FOXI2: variants seen among roughly 807,000 people sequenced by gnomAD.
FOXI2 encodes forkhead box I2.
Under a neutral mutation model 14.3 loss-of-function variants are expected in FOXI2, and 17 were observed. The ratio of observed to expected loss-of-function variants is 1.19; its 90% CI spans 0.81 to 1.78. FOXI2 has a LOEUF of 1.78. FOXI2 is among the 40% of genes most tolerant of loss of function. The probability of loss-of-function intolerance (pLI) is 0.00; values close to 1 mark genes in which losing one functional copy is unlikely to be tolerated. For synonymous variants in FOXI2, 240 were observed against 218.8 expected, an observed-to-expected ratio of 1.10 and a Z score of -0.85; for missense variants, 541 against 460.0, an observed-to-expected ratio of 1.18 and a Z score of -1.61.
At position 127,739,055 on chromosome 10, in the gene FOXI2, T is replaced by TA; in HGVS notation, c.*90_*91insA. On this transcript the variant is annotated 3_prime_UTR_variant, in exon 2 of 2. Coordinates refer to ENST00000388920, the MANE Select transcript of FOXI2 (RefSeq NM_207426.3). ...TGGTGACAGCCCCACGTGTTGGCGTTGAAGGCCTTGGTGCCCTGGGAGGAA... is the reference window on the plus strand; with the variant it reads ...TGGTGACAGCCCCACGTGTTGGCGTTAGAAGGCCTTGGTGCCCTGGGAGGAA... The TA allele has an allele frequency of 8.5e-7, 1 of 1,176,734 alleles. No individual in the cohort carries two copies. Among genetic ancestry groups the TA allele is most frequent in the Non-Finnish European group, 1.2e-6 (1 of 847,332 alleles). 72.9% of individuals were successfully genotyped at this position (1,176,734 alleles called of 1,614,324 possible). A position where few individuals can be genotyped will look rare whatever the true frequency, so the allele number is the denominator to read the frequency against.
chr10:127,740,013 G>GACACCCACACTC lies in FOXI2; in HGVS notation c.*1065_*1076dup, dbSNP rs1353006977. The GACACCCACACTC allele has an allele frequency of 2.0e-5, 1 of 49,772 alleles. No homozygotes were observed. Among genetic ancestry groups the GACACCCACACTC allele is most frequent in the Non-Finnish European group, 3.6e-5 (1 of 27,554 alleles). 3.1% of individuals were successfully genotyped at this position (49,772 alleles called of 1,614,324 possible). On this transcript the variant is annotated 3_prime_UTR_variant, in exon 2 of 2. Transcript: ENST00000388920. ...CTCACACCACACCCACACTCACACT[G>GACACCCACACTC]ACACCCACACTCACACCCACACTCA...
chr10:127,740,792 GGT>G lies in FOXI2; in HGVS notation c.*1843_*1844del, dbSNP rs142402926. On this transcript the variant is annotated 3_prime_UTR_variant, in exon 2 of 2. Coordinates refer to ENST00000388920, the MANE Select transcript of FOXI2 (RefSeq NM_207426.3). ...TCATCATGGCCCTGCTGAAGAGTGAGGTGTGTGTGTGTGTGTGCGTGTGTGCG... is the reference window on the plus strand; with the variant it reads ...TCATCATGGCCCTGCTGAAGAGTGAGGTGTGTGTGTGTGTGCGTGTGTGCG... 1.5e-4 allele frequency: 22 copies of G among 151,386 alleles called. No individual in the cohort carries two copies. The highest frequency in any genetic ancestry group is 3.9e-4 in the East Asian group (2 of 5,140). The allele number at this position is 151,386 out of a possible 1,614,324, so 9.4% of individuals were successfully genotyped here.
In FOXI2 at chr10:127,737,506, C is replaced by T; in HGVS notation, c.233C>T (p.Pro78Leu). ...YGAPGPLLGA[P>L]GGLAGADLAW... Reference sequence around the variant, plus strand: ...GCTCCCGGCCCGCTCCTCGGCGCCCCGGGCGGCCTGGCGGGCGCCGACCTC... The same window carrying T: ...GCTCCCGGCCCGCTCCTCGGCGCCCTGGGCGGCCTGGCGGGCGCCGACCTC... Residue 78 changes from proline to leucine, a missense_variant, in exon 1 of 2, where the codon CCG becomes CTG. By Grantham distance (98) the Pro-to-Leu change is moderately conservative. Coordinates refer to ENST00000388920, the MANE Select transcript of FOXI2 (RefSeq NM_207426.3). The T allele has an allele frequency of 4.3e-6, 6 of 1,408,480 alleles. No individual in the cohort carries two copies. Among genetic ancestry groups the T allele is most frequent in the South Asian group, 1.6e-5 (1 of 62,376 alleles). The allele number at this position is 1,408,480 out of a possible 1,614,324, so 87.2% of individuals were successfully genotyped here.
Position 127,737,433 on chromosome 10 carries a change from G to A in FOXI2, c.160G>A (p.Ala54Thr), listed in dbSNP as rs960764585. Residue 54 changes from alanine (A) to threonine (T), a missense_variant, in exon 1 of 2, where the codon GCT becomes ACT. Ala to Thr is a moderately conservative substitution (Grantham distance 58, BLOSUM62 0). Coordinates refer to ENST00000388920, the MANE Select transcript of FOXI2 (RefSeq NM_207426.3). The stretch of plus-strand genomic sequence containing the variant: ...GCCAGCGCTCAGCCCCAAGTCCTAC[G>A]CTTCGGGTCCCGGGCCTGCGCCGCC... Reference protein sequence around the residue: ...NAPALSPKSYASGPGPAPPYA... With the variant: ...NAPALSPKSYTSGPGPAPPYA... 4.4e-6 allele frequency: 6 copies of A among 1,366,016 alleles called. No individual in the cohort carries two copies. The highest frequency in any genetic ancestry group is 2.7e-4 in the Middle Eastern group (1 of 3,720). The allele number at this position is 1,366,016 out of a possible 1,614,324, so 84.6% of individuals were successfully genotyped here. A position where few individuals can be genotyped will look rare whatever the true frequency, so the allele number is the denominator to read the frequency against.
In FOXI2 at chr10:127,737,498, C is replaced by T; in HGVS notation, c.225C>T (p.Leu75=). 5.0e-6 allele frequency: 7 copies of T among 1,401,778 alleles called. No individual in the cohort carries two copies. The highest frequency in any genetic ancestry group is 2.9e-5 in the East Asian group (1 of 34,062). 86.8% of individuals were successfully genotyped at this position (1,401,778 alleles called of 1,614,324 possible). The part of the protein sequence containing the change: ...APSYGAPGPL[L]GAPGGLAGAD... ...GCTACGGGGCTCCCGGCCCGCTCCTCGGCGCCCCGGGCGGCCTGGCGGGCG... is the reference window on the plus strand; with the variant it reads ...GCTACGGGGCTCCCGGCCCGCTCCTTGGCGCCCCGGGCGGCCTGGCGGGCG... The change falls in exon 1 of 2, where the codon CTC becomes CTT. Residue 75 remains leucine, a synonymous_variant. Transcript: ENST00000388920.
chr10:127,740,163 ACT>A lies in FOXI2; in HGVS notation c.*1200_*1201del, dbSNP rs1216487065. Reference sequence around the variant, plus strand: ...CACTCATACTCACACCCACACCCACACTCATACTCACACACCCACACCCACAC... The same window carrying A: ...CACTCATACTCACACCCACACCCACACATACTCACACACCCACACCCACAC... On this transcript the variant is annotated 3_prime_UTR_variant, in exon 2 of 2. Transcript: ENST00000388920. 2.5e-5 allele frequency: 3 copies of A among 121,410 alleles called. No homozygotes were observed. Among genetic ancestry groups the A allele is most frequent in the African/African-American group, 9.9e-5 (3 of 30,306 alleles). 7.5% of individuals were successfully genotyped at this position (121,410 alleles called of 1,614,324 possible). A position where few individuals can be genotyped will look rare whatever the true frequency, so the allele number is the denominator to read the frequency against.
chr10:127,737,560 A>T lies in FOXI2; in HGVS notation c.287A>T (p.Glu96Val). The change falls in exon 1 of 2, where the codon GAG becomes GTG. Residue 96 changes from glutamate (E) to valine (V), a missense_variant. Glu to Val is a moderately radical substitution (Grantham distance 121). Coordinates refer to ENST00000388920, the MANE Select transcript of FOXI2 (RefSeq NM_207426.3). ...TGGCTGAGCCTCTCCGGCCAGCAGGAGCTGCTGAGGCTGGTGCGGCCGCCC... is the reference window on the plus strand; with the variant it reads ...TGGCTGAGCCTCTCCGGCCAGCAGGTGCTGCTGAGGCTGGTGCGGCCGCCC... ...LAWLSLSGQQ[E>V]LLRLVRPPYS... The T allele has an allele frequency of 6.5e-7, 1 of 1,537,682 alleles. No individual in the cohort carries two copies. The highest frequency in any genetic ancestry group is 8.8e-7 in the Non-Finnish European group (1 of 1,140,870).
At position 127,740,171 on chromosome 10, in the gene FOXI2, TCA is replaced by T. The variant is rs568734713; in HGVS notation, c.*1212_*1213del. On this transcript the variant is annotated 3_prime_UTR_variant, in exon 2 of 2. Transcript: ENST00000388920. ...CTCACACCCACACCCACACTCATAC[TCA>T]CACACCCACACCCACACCCACACCC... 1.2e-5 allele frequency: 1 copy of T among 86,812 alleles called. No individual in the cohort carries two copies. The allele number at this position is 86,812 out of a possible 1,614,324, so 5.4% of individuals were successfully genotyped here. A position where few individuals can be genotyped will look rare whatever the true frequency, so the allele number is the denominator to read the frequency against.
rs932731725 is a variant in FOXI2 at position 127,738,665 on chromosome 10, G to T, written c.657G>T (p.Ala219=). The part of the protein sequence containing the change: ...ARSVGGAEAP[A]LEPPSAACLD... ...GCGTGGGAGGGGCCGAGGCGCCAGC[G>T]CTGGAGCCCCCGAGCGCGGCTTGCC... is the stretch of plus-strand genomic sequence containing the variant. The change falls in exon 2 of 2, where the codon GCG becomes GCT. Residue 219 remains alanine (A), a synonymous_variant. Coordinates refer to ENST00000388920, the MANE Select transcript of FOXI2 (RefSeq NM_207426.3). 9.4e-6 allele frequency: 15 copies of T among 1,596,210 alleles called. No homozygotes were observed. The highest frequency in any genetic ancestry group is 3.4e-5 in the South Asian group (3 of 88,754).
chr10:127,737,682 C>A lies in FOXI2; in HGVS notation c.409C>A (p.Pro137Thr). The A allele has an allele frequency of 6.2e-7, 1 of 1,601,756 alleles. No individual in the cohort carries two copies. Among genetic ancestry groups the A allele is most frequent in the Non-Finnish European group, 8.5e-7 (1 of 1,174,212 alleles). ...CTACCAGTACGTGGCTGGTAACTTCCCTTTCTACAAGCGCAGCAAGGCGGG... is the reference window on the plus strand; with the variant it reads ...CTACCAGTACGTGGCTGGTAACTTCACTTTCTACAAGCGCAGCAAGGCGGG... ...QIYQYVAGNF[P>T]FYKRSKAGWQ... Residue 137 changes from proline to threonine, a missense_variant, in exon 1 of 2, where the codon CCT (proline) becomes ACT (threonine). Transcript: ENST00000388920.
rs1458504568 is a variant in FOXI2 at position 127,739,612 on chromosome 10, A to C, written c.*647A>C. ...TGGGAGGGAGAAGCACTGCGTGGGC[A>C]GAAAGCGCCCTTGGGATACCAGCTC... On this transcript the variant is annotated 3_prime_UTR_variant, in exon 2 of 2. Transcript: ENST00000388920. 1.3e-5 allele frequency: 2 copies of C among 152,582 alleles called. No individual in the cohort carries two copies. Among genetic ancestry groups the C allele is most frequent in the South Asian group, 4.1e-4 (2 of 4,838 alleles). 9.5% of individuals were successfully genotyped at this position (152,582 alleles called of 1,614,324 possible). A position where few individuals can be genotyped will look rare whatever the true frequency, so the allele number is the denominator to read the frequency against.
rs900236763 is a variant in FOXI2 at position 127,737,344 on chromosome 10, C to A, written c.71C>A (p.Pro24His). The A allele has an allele frequency of 8.4e-6, 12 of 1,430,006 alleles. No homozygotes were observed. The highest frequency in any genetic ancestry group is 9.0e-6 in the Non-Finnish European group (10 of 1,106,894). The allele number at this position is 1,430,006 out of a possible 1,614,324, so 88.6% of individuals were successfully genotyped here. Residue 24 changes from proline to histidine, a missense_variant, in exon 1 of 2, where the codon CCC becomes CAC. Coordinates refer to ENST00000388920, the MANE Select transcript of FOXI2 (RefSeq NM_207426.3). ...PPGQAQATAH[P>H]PGYEPGDLGA... Reference sequence around the variant, plus strand: ...GGCCAGGCCCAGGCCACCGCGCACCCCCCGGGCTATGAGCCAGGGGATCTG... The same window carrying A: ...GGCCAGGCCCAGGCCACCGCGCACCACCCGGGCTATGAGCCAGGGGATCTG...
Position 127,739,857 on chromosome 10 carries a change from C to CCACA in FOXI2, c.*894_*897dup, listed in dbSNP as rs1846479961. 1 of 30,676 alleles carries CCACA rather than the reference C, an allele frequency of 3.3e-5. No individual in the cohort carries two copies. The highest frequency in any genetic ancestry group is 1.0e-4 in the African/African-American group (1 of 9,994). The allele number at this position is 30,676 out of a possible 1,614,324, so 1.9% of individuals were successfully genotyped here. ...CCCACACTCACACTCACACTCACAC[C>CCACA]CACACTCACACCCACACTCACACCC... is the stretch of plus-strand genomic sequence containing the variant. On this transcript the variant is annotated 3_prime_UTR_variant, in exon 2 of 2. Coordinates refer to ENST00000388920, the MANE Select transcript of FOXI2 (RefSeq NM_207426.3).
At chr10:127,738,364 G>C (rs529592612) in intron 1 of FOXI2, among the ~76,000 whole-genome samples, 156 bp from the exon 2 acceptor site, 1 of 152,112 alleles carries the variant, frequency 6.6e-6, no homozygotes, top group African/African-American at 2.4e-5. Context: ...AGGCCCATCG[G>C]GTACAGAGTG....
rs932795462 is a variant in FOXI2 at position 127,740,543 on chromosome 10, G to C, written c.*1578G>C. The C allele has an allele frequency of 2.1e-5, 3 of 144,540 alleles. No homozygotes were observed. The highest frequency in any genetic ancestry group is 5.1e-5 in the African/African-American group (2 of 38,960). The allele number at this position is 144,540 out of a possible 1,614,324, so 9.0% of individuals were successfully genotyped here. A position where few individuals can be genotyped will look rare whatever the true frequency, so the allele number is the denominator to read the frequency against. ...GGGGGGGGGTACCCACCTTGTTGTT[G>C]ATGGGGGTACCTATCTTCCCTGCAT... On this transcript the variant is annotated 3_prime_UTR_variant, in exon 2 of 2. Transcript: ENST00000388920.
rs1325933606 is a variant in FOXI2 at position 127,737,620 on chromosome 10, A to G, written c.347A>G (p.Gln116Arg). Reference protein sequence around the residue: ...SYSALIAMAIQSAPLRKLTLS... With the variant: ...SYSALIAMAIRSAPLRKLTLS... ...TCGGCGCTCATCGCCATGGCCATCC[A>G]GAGCGCGCCGCTGCGGAAGCTGACG... The change falls in exon 1 of 2, where the codon CAG (glutamine) becomes CGG (arginine). Residue 116 changes from glutamine to arginine, a missense_variant. Physicochemically the swap from Gln to Arg is conservative, Grantham distance 43. Coordinates refer to ENST00000388920, the MANE Select transcript of FOXI2 (RefSeq NM_207426.3). The G allele has an allele frequency of 6.4e-7, 1 of 1,562,816 alleles. No individual in the cohort carries two copies. The highest frequency in any genetic ancestry group is 1.9e-5 in the Admixed American group (1 of 51,880).
In FOXI2 at chr10:127,740,096, TCACACC is replaced by T. The variant is rs1468174522; in HGVS notation, c.*1137_*1142del. 2.8e-5 allele frequency: 2 copies of T among 72,684 alleles called. No individual in the cohort carries two copies. Among genetic ancestry groups the T allele is most frequent in the South Asian group, 5.2e-4 (1 of 1,930 alleles). The allele number at this position is 72,684 out of a possible 1,614,324, so 4.5% of individuals were successfully genotyped here. Reference sequence around the variant, plus strand: ...CTCACACTCACACCCACACTCACACTCACACCCACACTCACACCACACTCACACCCA... The same window carrying T: ...CTCACACTCACACCCACACTCACACTCACACTCACACCACACTCACACCCA... On this transcript the variant is annotated 3_prime_UTR_variant, in exon 2 of 2. Transcript: ENST00000388920.
intron 1 of FOXI2, among the ~76,000 whole-genome samples, chr10:127,737,990 C>A (rs1381598327): frequency 6.6e-6 from 1 of 152,190 alleles, no homozygotes; most frequent in African/African-American, 2.4e-5. Context: ...CCCGCGTTTA[C>A]AGTGCGGCGG....
In FOXI2 at chr10:127,739,207, C is replaced by G. The variant is rs1846461278; in HGVS notation, c.*242C>G. On this transcript the variant is annotated 3_prime_UTR_variant, in exon 2 of 2. Coordinates refer to ENST00000388920, the MANE Select transcript of FOXI2 (RefSeq NM_207426.3). ...CCTTCGGAACCTCCCTGCTCTGCCTCTAAGTCCAGCCGCCCTGGGCGTCTA... is the reference window on the plus strand; with the variant it reads ...CCTTCGGAACCTCCCTGCTCTGCCTGTAAGTCCAGCCGCCCTGGGCGTCTA... 1 of 502,042 alleles carries G rather than the reference C, an allele frequency of 2.0e-6. No homozygotes were observed. Among genetic ancestry groups the G allele is most frequent in the South Asian group, 3.0e-5 (1 of 32,830 alleles). The allele number at this position is 502,042 out of a possible 1,614,324, so 31.1% of individuals were successfully genotyped here.
Sources: gnomAD v4.1 joint callset for allele counts (sites outside exome capture counted in the v4.1 genomes callset) on GRCh38, gnomAD v4.1.1 for gene constraint, MANE v1.5 for transcripts, NCBI Gene and HGNC (gene_info 2026-07-23, HGNC 2026-07-21) for gene names.